Variants in SYN3 observed in about 807,000 individuals in gnomAD.
SYN3 encodes synapsin-3.
Under a neutral mutation model 65.8 loss-of-function variants are expected in SYN3, and 35 were observed. That is an observed-to-expected ratio of 0.53 (90% CI 0.41 to 0.70). The LOEUF is 0.70. Ranked by LOEUF, SYN3 falls within the 30% of genes least tolerant of loss-of-function variation. The pLI is 0.00. For synonymous variants in SYN3, 270 were observed against 292.9 expected (o/e 0.92, Z 0.80); for missense variants, 680 against 749.0 (o/e 0.91, Z 1.08).
intron 6 of SYN3, among the ~76,000 whole-genome samples, chr22:32,762,371 C>G (rs1044792393): frequency 6.6e-6 from 1 of 152,210 alleles, no homozygotes; most frequent in Non-Finnish European, 1.5e-5. Flanking sequence ...CCTGTCCATA[C>G]GTCTTTCCCC....
At chr22:32,717,540 C>A (rs988767410) in intron 6 of SYN3, among the ~76,000 whole-genome samples, 5 of 152,118 alleles carry the variant, frequency 3.3e-5, no homozygotes, top group Admixed American at 3.3e-4. Context: ...GTCTGGCAGT[C>A]TCAGCCTCTG....
intron 6 of SYN3, among the ~76,000 whole-genome samples, chr22:32,740,538 C>T (rs1602029118): frequency 6.6e-6 from 1 of 152,258 alleles, no homozygotes; most frequent in East Asian, 1.9e-4. Context: ...TAAAAGGATG[C>T]ACAACATTTA....
At chr22:33,010,789 A>AG (rs1404393199) in intron 1 of SYN3, among the ~76,000 whole-genome samples, 2 of 152,134 alleles carry the variant, frequency 1.3e-5, no homozygotes, top group Admixed American at 1.3e-4. Flanking sequence ...CTACTCAGAA[A>AG]TTTTTTTGTG....
chr22:32,798,315 G>A (rs2046477790), intron 6 of SYN3, among the ~76,000 whole-genome samples: 2 of 152,168 alleles, frequency 1.3e-5, no homozygotes, highest in Non-Finnish European at 1.5e-5. Context: ...GAATGGCTGG[G>A]GTTTCCAAGC....
intron 2 of SYN3, among the ~76,000 whole-genome samples, chr22:32,998,786 A>AAAAC (rs1569393554): frequency 1.5e-5 from 2 of 135,184 alleles, no homozygotes; most frequent in African/African-American, 5.5e-5. Flanking sequence ...TAAAAAAAAA[A>AAAAC]AAAAAAAAAA....
chr22:32,921,470 A>G (rs957538273), intron 4 of SYN3, among the ~76,000 whole-genome samples: 1 of 152,180 alleles, frequency 6.6e-6, no homozygotes, highest in Non-Finnish European at 1.5e-5. Context: ...TGCTTTCTGT[A>G]CAGAGACTGA....
intron 1 of SYN3, among the ~76,000 whole-genome samples, chr22:33,053,380 G>A (rs1262766491): frequency 6.6e-6 from 1 of 152,114 alleles, no homozygotes; most frequent in East Asian, 1.9e-4. Flanking sequence ...CCAAGATCAC[G>A]CCATTGCACT....
intron 7 of SYN3, among the ~76,000 whole-genome samples, chr22:32,583,094 G>C (rs135583): frequency 6.6e-6 from 1 of 152,114 alleles, no homozygotes; most frequent in African/African-American, 2.4e-5. Flanking sequence ...AGGGTCTGCC[G>C]CTAGTGTCCT....
At chr22:32,905,653 A>C (rs1233278917) in intron 4 of SYN3, among the ~76,000 whole-genome samples, 1 of 152,230 alleles carries the variant, frequency 6.6e-6, no homozygotes, top group Non-Finnish European at 1.5e-5. Flanking sequence ...TCAGTAAGTC[A>C]CTTATCCAAG....
At chr22:32,836,229 T>A (rs1342752710) in intron 6 of SYN3, among the ~76,000 whole-genome samples, 1 of 152,210 alleles carries the variant, frequency 6.6e-6, no homozygotes, top group Non-Finnish European at 1.5e-5. Flanking sequence ...TTCACTTTTC[T>A]GTTTCTGCCA....
At chr22:32,582,365 T>G (rs1389095850) in intron 7 of SYN3, among the ~76,000 whole-genome samples, 1 of 124,540 alleles carries the variant, frequency 8.0e-6, no homozygotes, top group African/African-American at 2.5e-5. Flanking sequence ...TTTTTTTTTT[T>G]TTGAGACCGG....
intron 6 of SYN3, among the ~76,000 whole-genome samples, chr22:32,764,222 T>G (rs4820093): frequency 1.3e-5 from 2 of 151,512 alleles, no homozygotes; most frequent in Admixed American, 6.6e-5. Context: ...AGATTACAGG[T>G]GTGAGCCACT....
At chr22:32,579,003 T>G (rs181818743) in intron 7 of SYN3, among the ~76,000 whole-genome samples, 1 of 152,312 alleles carries the variant, frequency 6.6e-6, no homozygotes, top group Admixed American at 6.5e-5. Flanking sequence ...GGGTGGTAGT[T>G]TGCCAAGCCC....
intron 7 of SYN3, among the ~76,000 whole-genome samples, chr22:32,557,808 C>A (rs2058525154): frequency 6.6e-6 from 1 of 152,236 alleles, no homozygotes; most frequent in South Asian, 2.1e-4. Flanking sequence ...ACAACCCAAA[C>A]TCTTTCCTGC....
At chr22:32,829,587 C>T (rs924074146) in intron 6 of SYN3, among the ~76,000 whole-genome samples, 1 of 152,230 alleles carries the variant, frequency 6.6e-6, no homozygotes, top group African/African-American at 2.4e-5. Context: ...TTTCATCAGA[C>T]CTTAATTGGC....
chr22:32,668,625 G>A (rs1390507730), intron 6 of SYN3, among the ~76,000 whole-genome samples: 2 of 152,014 alleles, frequency 1.3e-5, no homozygotes, highest in Admixed American at 6.6e-5. Flanking sequence ...ATTTCAAGGA[G>A]CCAGCAATCC....
chr22:32,856,091 G>A (rs1372451064), intron 6 of SYN3, among the ~76,000 whole-genome samples: 1 of 152,124 alleles, frequency 6.6e-6, no homozygotes, highest in East Asian at 1.9e-4. Flanking sequence ...ATCCCTCCCA[G>A]GGCTCTTTTA....
intron 2 of SYN3, among the ~76,000 whole-genome samples, chr22:32,999,386 C>A (rs908811230): frequency 6.6e-6 from 1 of 152,038 alleles, no homozygotes; most frequent in African/African-American, 2.4e-5. Context: ...ACTCTTCCTG[C>A]AGAATAAACA....
chr22:32,814,751 A>G (rs998217399), intron 6 of SYN3, among the ~76,000 whole-genome samples: 3 of 152,164 alleles, frequency 2.0e-5, no homozygotes, highest in Non-Finnish European at 4.4e-5. Flanking sequence ...TCCCTCTGAG[A>G]AGAGTTTCTT....
Sources: gnomAD v4.1 joint callset for allele counts (sites outside exome capture counted in the v4.1 genomes callset) on GRCh38, gnomAD v4.1.1 for gene constraint, MANE v1.5 for transcripts, NCBI Gene and HGNC (gene_info 2026-07-23, HGNC 2026-07-21) for gene names.